The following MALT1 variants were observed in gnomAD, a reference collection of about 807,000 sequenced individuals.
MALT1 encodes MALT1 paracaspase, also known as mucosa-associated lymphoid tissue lymphoma translocation protein 1.
In MALT1, 36 loss-of-function variants were observed where a neutral mutation model predicts 85.5. The ratio of observed to expected loss-of-function variants is 0.42; its 90% CI spans 0.32 to 0.56. MALT1 has a LOEUF of 0.56. Among genes scored for constraint, MALT1 ranks in the 20% least tolerant of loss-of-function variants. The probability of loss-of-function intolerance (pLI) is 0.10; values close to 1 mark genes in which losing one functional copy is unlikely to be tolerated. For synonymous variants in MALT1, 359 were observed against 361.3 expected (o/e 0.99, Z 0.07); for missense variants, 716 against 981.6 (o/e 0.73, Z 3.62).
intron 13 of MALT1, among the ~76,000 whole-genome samples, chr18:58,736,230 T>TG (rs1449081167): frequency 6.6e-6 from 1 of 152,252 alleles, no homozygotes; most frequent in Non-Finnish European, 1.5e-5. Context: ...TATAAGGTGT[T>TG]TGACCAACTG....
At chr18:58,684,737 C>T (rs975651417) in intron 2 of MALT1, among the ~76,000 whole-genome samples, 1 of 151,974 alleles carries the variant, frequency 6.6e-6, no homozygotes, top group South Asian at 2.1e-4. Context: ...TGAGCCACTG[C>T]GCCCAGCCAA....
Position 58,671,557 on chromosome 18 carries a change from T to TCGGAGGCGAGCGGAAGGTGCCCCGGGGCC in MALT1, c.-86_-58dup. On this transcript the variant is annotated 5_prime_UTR_variant, in exon 1 of 17. Coordinates refer to ENST00000649217, the MANE Select transcript of MALT1 (RefSeq NM_006785.4). ...GTTCTTCCGCCCCTGCCTCCGCGGC[T>TCGGAGGCGAGCGGAAGGTGCCCCGGGGCC]CGGAGGCGAGCGGAAGGTGCCCCGG... 1.1e-6 allele frequency: 1 copy of TCGGAGGCGAGCGGAAGGTGCCCCGGGGCC among 891,892 alleles called. No homozygotes were observed. Among genetic ancestry groups the TCGGAGGCGAGCGGAAGGTGCCCCGGGGCC allele is most frequent in the Non-Finnish European group, 1.5e-6 (1 of 685,456 alleles). 55.2% of individuals were successfully genotyped at this position (891,892 alleles called of 1,614,324 possible). A position where few individuals can be genotyped will look rare whatever the true frequency, so the allele number is the denominator to read the frequency against.
intron 10 of MALT1, among the ~76,000 whole-genome samples, chr18:58,728,200 A>C (rs1294166683): frequency 2.0e-5 from 3 of 152,256 alleles, no homozygotes; most frequent in Non-Finnish European, 2.9e-5. Context: ...TAAGTACAGT[A>C]AGTTCTTTGA....
intron 4 of MALT1, among the ~76,000 whole-genome samples, chr18:58,701,019 C>G (rs1462756731): frequency 6.6e-6 from 1 of 152,056 alleles, no homozygotes; most frequent in African/African-American, 2.4e-5. Context: ...TCTTGAACTC[C>G]CGACCTCAGG....
At chr18:58,737,605 A>T (rs62093471) in intron 13 of MALT1, among the ~76,000 whole-genome samples, 16,792 of 152,080 alleles carry the variant, frequency 0.11, 1,116 homozygotes, top group Admixed American at 0.16. Flanking sequence ...TTTGTGTGAG[A>T]CTACAGAGTC....
chr18:58,673,061 A>G (rs1169312695), intron 1 of MALT1, among the ~76,000 whole-genome samples: 1 of 152,196 alleles, frequency 6.6e-6, no homozygotes, highest in Non-Finnish European at 1.5e-5. Flanking sequence ...TCAAATGACA[A>G]AGATTTGTCT....
chr18:58,742,335 C>G (rs565699690), intron 14 of MALT1, among the ~76,000 whole-genome samples: 17 of 152,146 alleles, frequency 1.1e-4, no homozygotes, highest in African/African-American at 4.1e-4. Flanking sequence ...TGTGACCTGT[C>G]GAAAATCATG....
At position 58,671,642 on chromosome 18, in the gene MALT1, C is replaced by T. The variant is rs2054161845; in HGVS notation, c.-2C>T. On this transcript the variant is annotated 5_prime_UTR_variant, in exon 1 of 17. Transcript: ENST00000649217. ...GGCAGTCCGGGGTCGCCGGCGAGGG[C>T]CATGTCGCTGTTGGGGGACCCGCTA... 9 of 1,215,824 alleles carry T rather than the reference C, an allele frequency of 7.4e-6. No homozygotes were observed. The highest frequency in any genetic ancestry group is 4.0e-5 in the South Asian group (1 of 24,694). 75.3% of individuals were successfully genotyped at this position (1,215,824 alleles called of 1,614,324 possible).
At chr18:58,683,897 TG>T (rs1366550630) in intron 2 of MALT1, among the ~76,000 whole-genome samples, 3 of 152,212 alleles carry the variant, frequency 2.0e-5, no homozygotes, top group Non-Finnish European at 4.4e-5. Context: ...TCAGTACATT[TG>T]TGAGCTGTAG....
intron 2 of MALT1, among the ~76,000 whole-genome samples, chr18:58,684,951 A>G (rs1354808076): frequency 1.3e-5 from 2 of 152,200 alleles, no homozygotes; most frequent in East Asian, 3.8e-4. Context: ...GCTAGGCATT[A>G]TGCTAGGTAC....
intron 9 of MALT1, among the ~76,000 whole-genome samples, chr18:58,719,065 A>G (rs2054944464): frequency 6.6e-6 from 1 of 152,152 alleles, no homozygotes; most frequent in East Asian, 1.9e-4. Flanking sequence ...CTATACTGGT[A>G]ATGTAGTTAT....
intron 3 of MALT1, among the ~76,000 whole-genome samples, chr18:58,699,257 C>T (rs2054637854): frequency 6.6e-6 from 1 of 152,178 alleles, no homozygotes; most frequent in Non-Finnish European, 1.5e-5. Flanking sequence ...TAATTTCTGT[C>T]TGAAGTCAGT....
intron 7 of MALT1, among the ~76,000 whole-genome samples, chr18:58,713,588 C>A (rs914698973): frequency 2.6e-5 from 4 of 152,186 alleles, no homozygotes; most frequent in African/African-American, 9.6e-5. Flanking sequence ...CAAAAAAGAC[C>A]ATTAATGGTT....
At position 58,700,446 on chromosome 18, in the gene MALT1, A is replaced by G; in HGVS notation, c.504A>G (p.Pro168=). ...YQWFKMNKEI[P]NGNTSELIFN... Reference sequence around the variant, plus strand: ...TCTTATTGATTCTTTCACAGATTCCAAATGGAAATACATCAGAGCTTATTT... The same window carrying G: ...TCTTATTGATTCTTTCACAGATTCCGAATGGAAATACATCAGAGCTTATTT... Residue 168 remains proline (P), a synonymous_variant, in exon 4 of 17, where the codon CCA becomes CCG. Coordinates refer to ENST00000649217, the MANE Select transcript of MALT1 (RefSeq NM_006785.4). 6.3e-7 allele frequency: 1 copy of G among 1,594,414 alleles called. No individual in the cohort carries two copies. The highest frequency in any genetic ancestry group is 8.5e-7 in the Non-Finnish European group (1 of 1,174,194).
intron 10 of MALT1, among the ~76,000 whole-genome samples, chr18:58,733,020 C>T (rs2055173997): frequency 6.6e-6 from 1 of 152,032 alleles, no homozygotes; most frequent in Non-Finnish European, 1.5e-5. Flanking sequence ...AAGTGATTCT[C>T]CTGCCTCAGT....
At chr18:58,692,407 CCTCTCTCTCTCT>C (rs35054606) in intron 2 of MALT1, among the ~76,000 whole-genome samples, 5 of 130,360 alleles carry the variant, frequency 3.8e-5, no homozygotes, top group Admixed American at 1.6e-4. Context: ...ACTGGCCATT[CCTCTCTCTCTCT>C]CTCTCTCTCT....
chr18:58,749,245 G>A lies in MALT1; in HGVS notation c.*1403G>A. On this transcript the variant is annotated 3_prime_UTR_variant, in exon 17 of 17. Coordinates refer to ENST00000649217, the MANE Select transcript of MALT1 (RefSeq NM_006785.4). ...AGAAAGTGTATTTGTGTATATGTGT[G>A]TATACATATGTTTATCTCACACACA... 1 of 216,316 alleles carries A rather than the reference G, an allele frequency of 4.6e-6. No homozygotes were observed. The highest frequency in any genetic ancestry group is 2.2e-5 in the African/African-American group (1 of 44,486). The allele number at this position is 216,316 out of a possible 1,614,324, so 13.4% of individuals were successfully genotyped here.
rs914155129 is a variant in MALT1, at chr18:58,752,137, A to G, written c.*4295A>G. The G allele has an allele frequency of 1.3e-5, 2 of 152,200 alleles. No individual in the cohort carries two copies. Among genetic ancestry groups the G allele is most frequent in the Non-Finnish European group, 2.9e-5 (2 of 68,038 alleles). The allele number at this position is 152,200 out of a possible 1,614,324, so 9.4% of individuals were successfully genotyped here. A position where few individuals can be genotyped will look rare whatever the true frequency, so the allele number is the denominator to read the frequency against. On this transcript the variant is annotated 3_prime_UTR_variant, in exon 17 of 17. Transcript: ENST00000649217. ...TGTAGCCAGAGCTTAGATCACTGAC[A>G]TGTATACTGGCATAAGCTTTTTTTT...
At chr18:58,742,703 ACT>A (rs764466129) in intron 14 of MALT1, among the ~76,000 whole-genome samples, 33 of 152,166 alleles carry the variant, frequency 2.2e-4, no homozygotes, top group Non-Finnish European at 2.1e-4. Context: ...ACAGAGCGAG[ACT>A]CTGTCTCGAA....
Sources: allele counts gnomAD v4.1 joint callset (sites outside exome capture counted in the v4.1 genomes callset), GRCh38; gene constraint gnomAD v4.1.1; transcripts MANE v1.5; gene names NCBI Gene and HGNC (gene_info 2026-07-23, HGNC 2026-07-21).